The following FAM193A variants were observed in gnomAD, a reference collection of about 807,000 sequenced individuals.
FAM193A encodes family with sequence similarity 193 member A.
In FAM193A, 22 loss-of-function variants were observed where a neutral mutation model predicts 126.5. That is an observed-to-expected ratio of 0.17 (90% CI 0.12 to 0.25). The LOEUF is 0.25. FAM193A is among the 10% of genes least tolerant of loss of function. The probability of loss-of-function intolerance (pLI) is 1.00; values close to 1 mark genes in which losing one functional copy is unlikely to be tolerated. For synonymous variants in FAM193A, 761 were observed against 646.8 expected, an observed-to-expected ratio of 1.18 and a Z score of -2.68; for missense variants, 1,675 against 1,672.8, an observed-to-expected ratio of 1.00 and a Z score of -0.02.
intron 2 of FAM193A, among the ~76,000 whole-genome samples, chr4:2,619,897 G>C (rs994215150): frequency 6.6e-6 from 1 of 152,026 alleles, no homozygotes; most frequent in African/African-American, 2.4e-5. Context: ...TGCCATCTTG[G>C]TGAGGCTGGT....
At chr4:2,550,769 ATTTT>A (rs1342090828) in intron 1 of FAM193A, among the ~76,000 whole-genome samples, 2 of 139,432 alleles carry the variant, frequency 1.4e-5, no homozygotes, top group Non-Finnish European at 1.5e-5. Context: ...TTCAATTTAT[ATTTT>A]TATTTATTTA....
At chr4:2,593,220 C>G (rs2108902224) in intron 1 of FAM193A, among the ~76,000 whole-genome samples, 1 of 152,308 alleles carries the variant, frequency 6.6e-6, no homozygotes, top group South Asian at 2.1e-4. Flanking sequence ...TCCTGCAGCC[C>G]TGGTCCAAGC....
At chr4:2,676,787 A>G (rs1304650083) in intron 13 of FAM193A, among the ~76,000 whole-genome samples, 1 of 152,108 alleles carries the variant, frequency 6.6e-6, no homozygotes, top group Non-Finnish European at 1.5e-5. Flanking sequence ...CTAAAAATAA[A>G]AAAATTAGCC....
chr4:2,650,785 C>T (rs548754298), intron 7 of FAM193A, among the ~76,000 whole-genome samples: 21 of 152,042 alleles, frequency 1.4e-4, no homozygotes, highest in Admixed American at 3.3e-4. Context: ...TACCAAGGAC[C>T]GCATAAAAAA....
chr4:2,618,496 C>T (rs1378518015), intron 2 of FAM193A, among the ~76,000 whole-genome samples: 2 of 151,498 alleles, frequency 1.3e-5, no homozygotes, highest in Non-Finnish European at 2.9e-5. Context: ...GGTGCGATCT[C>T]GGCTCACTAC....
chr4:2,729,347 G>T (rs1329067797), intron 20 of FAM193A, among the ~76,000 whole-genome samples: 2 of 152,152 alleles, frequency 1.3e-5, no homozygotes, highest in Non-Finnish European at 2.9e-5. Context: ...GCAGGCCAGT[G>T]TGTGTGCAGG....
chr4:2,581,467 C>G (rs1010182865), intron 1 of FAM193A, among the ~76,000 whole-genome samples: 4 of 151,900 alleles, frequency 2.6e-5, no homozygotes, highest in Admixed American at 2.6e-4. Context: ...GTTGCCCAGG[C>G]TGATCTCGAC....
intron 13 of FAM193A, among the ~76,000 whole-genome samples, chr4:2,684,147 C>T (rs1209247420): frequency 2.0e-5 from 3 of 152,198 alleles, no homozygotes; most frequent in Non-Finnish European, 4.4e-5. Flanking sequence ...CATGTTCCTG[C>T]AACCATTCAG....
Position 2,682,178 on chromosome 4 carries a change from G to T in FAM193A, c.2332-7328G>T, listed in dbSNP as rs377349396. Among the ~76,000 whole-genome samples, 31 of 151,756 alleles carry T rather than the reference G, an allele frequency of 2.0e-4. No individual in the cohort carries two copies. In the East Asian group the frequency reaches 5.8e-3, roughly 29 times the overall value. Reference sequence around the variant, plus strand: ...TTTTTGTATATTTAGTAAAGACAGGGTTTCACCATGTTAGCCAGGATGGTC... The same window carrying T: ...TTTTTGTATATTTAGTAAAGACAGGTTTTCACCATGTTAGCCAGGATGGTC... On this transcript the variant is annotated intron_variant, in intron 13 of 20. Coordinates refer to ENST00000637812, the MANE Select transcript of FAM193A (RefSeq NM_001366318.2).
At chr4:2,589,742 G>A (rs1374418459) in intron 1 of FAM193A, among the ~76,000 whole-genome samples, 1 of 152,140 alleles carries the variant, frequency 6.6e-6, no homozygotes, top group Non-Finnish European at 1.5e-5. Flanking sequence ...CATATGCTTT[G>A]GGAAAGCTGA....
chr4:2,713,104 CAA>C (rs529104464), intron 19 of FAM193A, among the ~76,000 whole-genome samples: 48 of 77,288 alleles, frequency 6.2e-4, no homozygotes, highest in Admixed American at 7.6e-4. Flanking sequence ...GACTCTGCTT[CAA>C]AAAAAAAAAA....
At chr4:2,580,374 G>T (rs1489150869) in intron 1 of FAM193A, among the ~76,000 whole-genome samples, 1 of 152,138 alleles carries the variant, frequency 6.6e-6, no homozygotes, top group African/African-American at 2.4e-5. Flanking sequence ...AATAACAAGT[G>T]ATGGCTACTA....
intron 10 of FAM193A, among the ~76,000 whole-genome samples, chr4:2,662,137 T>G (rs995543840): frequency 6.6e-6 from 1 of 152,102 alleles, no homozygotes; most frequent in Non-Finnish European, 1.5e-5. Flanking sequence ...GAGCCGAGAT[T>G]GTGCCACTGT....
intron 13 of FAM193A, among the ~76,000 whole-genome samples, chr4:2,673,501 A>G (rs1714056993): frequency 6.6e-6 from 1 of 152,216 alleles, no homozygotes; most frequent in Non-Finnish European, 1.5e-5. Context: ...TACTTGGCAC[A>G]ACCATCCAAA....
chr4:2,732,421 A>G lies in FAM193A; in HGVS notation c.*553A>G, dbSNP rs1043763932. ...CTTGCAGAACGAGAAAGTTAAAAAC[A>G]AGCCCACCCAGTACTCACACCATCA... On this transcript the variant is annotated 3_prime_UTR_variant, in exon 21 of 21. Transcript: ENST00000637812. 6.1e-6 allele frequency: 1 copy of G among 165,262 alleles called. No individual in the cohort carries two copies. The highest frequency in any genetic ancestry group is 1.3e-5 in the Non-Finnish European group (1 of 75,734). 10.2% of individuals were successfully genotyped at this position (165,262 alleles called of 1,614,324 possible).
In FAM193A at chr4:2,696,586, A is replaced by G. The variant is rs1363979310; in HGVS notation, c.3500A>G (p.Gln1167Arg). ...TRAAKRARHK[Q>R]RKLEEKARLE... Reference sequence around the variant, plus strand: ...GCAGCGAAGCGAGCAAGGCATAAGCAAAGGAAGGCAAGTGACAGTTCTCAG... The same window carrying G: ...GCAGCGAAGCGAGCAAGGCATAAGCGAAGGAAGGCAAGTGACAGTTCTCAG... The change falls in exon 18 of 21, where the codon CAA becomes CGA. Residue 1167 changes from glutamine to arginine, a missense_variant. Around this residue, in one of 4 missense-constraint regions of FAM193A, gnomAD observed 415 missense variants for 396.7 expected, o/e 1.05. Transcript: ENST00000637812. The G allele has an allele frequency of 3.1e-6, 5 of 1,613,582 alleles. No individual in the cohort carries two copies. Among genetic ancestry groups the G allele is most frequent in the Non-Finnish European group, 4.2e-6 (5 of 1,179,630 alleles).
chr4:2,700,468 G>A lies in FAM193A; in HGVS notation c.4296G>A (p.Leu1432=), dbSNP rs530128468. Residue 1432 remains leucine (L), a synonymous_variant, in exon 19 of 21, where the codon CTG becomes CTA. Coordinates refer to ENST00000637812, the MANE Select transcript of FAM193A (RefSeq NM_001366318.2). ...ATCAGCAGAACAGCAAGCTGGTGCT[G>A]GCAGAGTCCCCTCAGCCAAAGGGCA... The part of the protein sequence containing the change: ...GEHQQNSKLV[L]AESPQPKGKN... The A allele has an allele frequency of 6.2e-7, 1 of 1,614,174 alleles. No homozygotes were observed. Among genetic ancestry groups the A allele is most frequent in the East Asian group, 2.2e-5 (1 of 44,884 alleles).
chr4:2,613,430 A>T (rs1188731741), intron 2 of FAM193A, among the ~76,000 whole-genome samples: 5 of 95,512 alleles, frequency 5.2e-5, no homozygotes, highest in Admixed American at 1.1e-4. Context: ...AAACTCATTT[A>T]TTAGTTCTAT....
Position 2,596,110 on chromosome 4 carries a change from T to C in FAM193A, c.282T>C (p.His94=), listed in dbSNP as rs1031860093. ...CTCCTTTTAGTTTTGGCATGAATCA[T>C]AGGACACCACCCTACCCTGCTGGGG... ...FETPFSFGMN[H]RTPPYPAGDY... is the part of the protein sequence containing the mutation. Residue 94 remains histidine, a synonymous_variant, in exon 2 of 21, where the codon CAT becomes CAC. Coordinates refer to ENST00000637812, the MANE Select transcript of FAM193A (RefSeq NM_001366318.2). The C allele has an allele frequency of 1.1e-5, 8 of 702,822 alleles. No individual in the cohort carries two copies. The highest frequency in any genetic ancestry group is 4.0e-5 in the Admixed American group (2 of 49,984). 43.5% of individuals were successfully genotyped at this position (702,822 alleles called of 1,614,324 possible).
Sources: allele counts gnomAD v4.1 joint callset (sites outside exome capture counted in the v4.1 genomes callset), GRCh38; gene constraint gnomAD v4.1.1; regional missense constraint gnomAD v4.1.1; transcripts MANE v1.5; gene names NCBI Gene and HGNC (gene_info 2026-07-23, HGNC 2026-07-21).